The following LRP1B variants were observed in gnomAD, a reference collection of about 807,000 sequenced individuals.
The protein encoded by LRP1B is low-density lipoprotein receptor-related protein 1B.
A neutral mutation model predicts 556.6 loss-of-function variants in LRP1B; 217 were observed. The ratio of observed to expected loss-of-function variants is 0.39; its 90% CI spans 0.35 to 0.44. The LOEUF (loss-of-function observed/expected upper bound fraction) is 0.44. Ranked by LOEUF, LRP1B falls within the 20% of genes least tolerant of loss-of-function variation. The pLI is 1.00. For synonymous variants in LRP1B, 2,047 were observed against 1,865.8 expected (o/e 1.10, Z -2.50); for missense variants, 5,053 against 5,620.8 (o/e 0.90, Z 3.23).
intron 3 of LRP1B, among the ~76,000 whole-genome samples, chr2:141,389,493 A>G (rs1253343966): frequency 2.0e-5 from 3 of 152,174 alleles, no homozygotes; most frequent in East Asian, 3.9e-4. Context: ...AGAGTTAAAC[A>G]TAGGGAGAGC....
At chr2:140,474,726 C>T (rs963593801) in intron 60 of LRP1B, among the ~76,000 whole-genome samples, 1 of 151,818 alleles carries the variant, frequency 6.6e-6, no homozygotes, top group African/African-American at 2.4e-5. Context: ...TAGTCATGTA[C>T]ATAGCTTAAC....
At chr2:142,036,734 A>T (rs750594411) in intron 1 of LRP1B, among the ~76,000 whole-genome samples, 1 of 151,744 alleles carries the variant, frequency 6.6e-6, no homozygotes, top group Non-Finnish European at 1.5e-5. Context: ...AAATCTTCAC[A>T]GAAACAATTA....
chr2:140,672,117 G>C (rs79496703), intron 41 of LRP1B, among the ~76,000 whole-genome samples: 9,662 of 152,140 alleles, frequency 0.064, 547 homozygotes, highest in East Asian at 0.18. Flanking sequence ...TATCTGTTCC[G>C]AAAATACAAT....
intron 2 of LRP1B, among the ~76,000 whole-genome samples, chr2:141,582,967 C>T (rs1268661015): frequency 2.7e-5 from 4 of 145,622 alleles, no homozygotes; most frequent in Non-Finnish European, 6.0e-5. Flanking sequence ...TCCTGAGTAA[C>T]TGGGACTACA....
intron 3 of LRP1B, among the ~76,000 whole-genome samples, chr2:141,353,901 A>T (rs971551567): frequency 2.0e-5 from 3 of 152,038 alleles, no homozygotes; most frequent in Non-Finnish European, 4.4e-5. Context: ...CAGCGTAGCT[A>T]CTTTCTTATC....
chr2:140,575,455 G>A (rs1435524674), intron 43 of LRP1B, among the ~76,000 whole-genome samples: 1 of 152,128 alleles, frequency 6.6e-6, no homozygotes, highest in Non-Finnish European at 1.5e-5. Context: ...TGTAAGGTAT[G>A]TTTTCCAATA....
intron 2 of LRP1B, among the ~76,000 whole-genome samples, chr2:141,551,531 A>G (rs1342455191): frequency 6.6e-6 from 1 of 152,110 alleles, no homozygotes; most frequent in South Asian, 2.1e-4. Flanking sequence ...GCCCCCAATC[A>G]GCAAAATTAA....
intron 2 of LRP1B, among the ~76,000 whole-genome samples, chr2:141,713,947 A>G (rs1363848262): frequency 1.3e-5 from 2 of 152,158 alleles, no homozygotes; most frequent in Non-Finnish European, 2.9e-5. Flanking sequence ...TGCCAAATGT[A>G]TTCAGTAATA....
intron 82 of LRP1B, among the ~76,000 whole-genome samples, chr2:140,320,924 C>CA (rs1680082805): frequency 6.6e-6 from 1 of 151,998 alleles, no homozygotes; most frequent in Non-Finnish European, 1.5e-5. Context: ...GGCATAGTGA[C>CA]ACATACCTGT....
chr2:140,473,132 C>T (rs72899869), intron 60 of LRP1B, among the ~76,000 whole-genome samples: 23,602 of 151,844 alleles, frequency 0.16, 2,301 homozygotes, highest in Non-Finnish European at 0.22. Flanking sequence ...CTCTTTCTTT[C>T]GTTGATGGTA....
At chr2:140,592,757 T>C (rs763517832) in intron 43 of LRP1B, among the ~76,000 whole-genome samples, 10 of 152,134 alleles carry the variant, frequency 6.6e-5, no homozygotes, top group African/African-American at 1.2e-4. Context: ...AGTAGAAAGA[T>C]AGAGAGACCC....
intron 1 of LRP1B, among the ~76,000 whole-genome samples, chr2:141,879,748 G>T (rs573565700): frequency 6.6e-6 from 1 of 151,948 alleles, no homozygotes; most frequent in South Asian, 2.1e-4. Flanking sequence ...CAAAAAACTT[G>T]TCTTGCCAAT....
chr2:141,665,391 GC>G (rs1690389983), intron 2 of LRP1B, among the ~76,000 whole-genome samples: 1 of 152,120 alleles, frequency 6.6e-6, no homozygotes, highest in South Asian at 2.1e-4. Flanking sequence ...CCCATCTCGT[GC>G]CAGTCATAAT....
At chr2:141,291,434 C>A in intron 3 of LRP1B, among the ~76,000 whole-genome samples, 1 of 151,970 alleles carries the variant, frequency 6.6e-6, no homozygotes, top group Admixed American at 6.6e-5. Flanking sequence ...AAAATTTCTG[C>A]TTGCTACCAA....
intron 1 of LRP1B, among the ~76,000 whole-genome samples, chr2:141,961,563 T>C (rs1413912398): frequency 6.6e-6 from 1 of 151,712 alleles, no homozygotes; most frequent in Non-Finnish European, 1.5e-5. Flanking sequence ...CACATTATTG[T>C]CTCTTACAAC....
chr2:141,205,686 C>G (rs1682243307), intron 6 of LRP1B, among the ~76,000 whole-genome samples: 1 of 53,434 alleles, frequency 1.9e-5, no homozygotes, highest in Non-Finnish European at 5.8e-5. Flanking sequence ...AAATCAAATA[C>G]TCAAGCTGTA....
intron 7 of LRP1B, among the ~76,000 whole-genome samples, chr2:141,094,629 TAAAGAATATTCTTCTCTAA>T (rs1700250979): frequency 2.2e-4 from 34 of 152,336 alleles, no homozygotes; most frequent in Admixed American, 2.2e-3. Context: ...CTTTCTGGGC[TAAAGAATATTCTTCTCTAA>T]GATGTGGCAT....
intron 2 of LRP1B, among the ~76,000 whole-genome samples, chr2:141,490,969 T>C (rs1222718494): frequency 6.6e-6 from 1 of 151,674 alleles, no homozygotes; most frequent in African/African-American, 2.4e-5. Flanking sequence ...CTTACAGCCC[T>C]GTTCTTTGCT....
intron 1 of LRP1B, among the ~76,000 whole-genome samples, chr2:141,959,575 G>A (rs1701348207): frequency 1.3e-5 from 2 of 151,830 alleles, no homozygotes; most frequent in South Asian, 4.1e-4. Flanking sequence ...GAAATATAAT[G>A]TGAAACACAT....
Sources: allele counts gnomAD v4.1 joint callset (sites outside exome capture counted in the v4.1 genomes callset), GRCh38; gene constraint gnomAD v4.1.1; transcripts MANE v1.5; gene names NCBI Gene and HGNC (gene_info 2026-07-23, HGNC 2026-07-21).